SLC5A8: variants seen among roughly 807,000 people sequenced by gnomAD.
SLC5A8 encodes sodium-coupled monocarboxylate transporter 1.
Under a neutral mutation model 71.9 loss-of-function variants are expected in SLC5A8, and 55 were observed. The ratio of observed to expected loss-of-function variants is 0.77; its 90% CI spans 0.62 to 0.96. The LOEUF (loss-of-function observed/expected upper bound fraction) is 0.96. SLC5A8 is among the 40% of genes least tolerant of loss of function. The probability of loss-of-function intolerance (pLI) is 0.00; values close to 1 mark genes in which losing one functional copy is unlikely to be tolerated. For missense variants in SLC5A8, 701 were observed against 745.3 expected (o/e 0.94, Z 0.69); for synonymous variants, 307 against 276.1 (o/e 1.11, Z -1.11).
intron 10 of SLC5A8, among the ~76,000 whole-genome samples, chr12:101,178,273 A>C (rs1566312701): frequency 6.6e-6 from 1 of 152,032 alleles, no homozygotes; most frequent in African/African-American, 2.4e-5. Flanking sequence ...TTTAAGCAAG[A>C]TTTTTTTTGT....
chr12:101,194,372 C>T (rs1869067183), intron 4 of SLC5A8, among the ~76,000 whole-genome samples: 1 of 152,238 alleles, frequency 6.6e-6, no homozygotes, highest in Non-Finnish European at 1.5e-5. Context: ...GATTTTCTCA[C>T]TGCCTCGGAC....
Position 101,182,808 on chromosome 12 carries a change from C to T in SLC5A8, c.1160G>A (p.Gly387Glu). ...TTATGAAAACAGAAACTTACTCATTCCTTGGGAAATCCAAGACAGAGACCT... is the reference window on the plus strand; with the variant it reads ...TTATGAAAACAGAAACTTACTCATTTCTTGGGAAATCCAAGACAGAGACCT... ...SERSLSWISQ[G>E]MSVVYGALCI... Residue 387 changes from glycine (G) to glutamate (E), a missense_variant, in exon 9 of 15, where the codon GGA becomes GAA. Coordinates refer to ENST00000536262, the MANE Select transcript of SLC5A8 (RefSeq NM_145913.5). The T allele has an allele frequency of 6.4e-7, 1 of 1,573,406 alleles. No individual in the cohort carries two copies. The highest frequency in any genetic ancestry group is 8.6e-7 in the Non-Finnish European group (1 of 1,162,184).
rs768182125 is a variant in SLC5A8, at chr12:101,166,666, T to C, written c.1354A>G (p.Ile452Val). Residue 452 changes from isoleucine to valine, a missense_variant, in exon 12 of 15, where the codon ATT (isoleucine) becomes GTT (valine). Ile to Val is a conservative substitution (Grantham distance 29). Transcript: ENST00000536262. Reference sequence around the variant, plus strand: ...GCTCCAATTCCAACCCATAGAGAAATGGCAAATCCAGCCATCAGACCAACA... The same window carrying C: ...GCTCCAATTCCAACCCATAGAGAAACGGCAAATCCAGCCATCAGACCAACA... ...ALVGLMAGFA[I>V]SLWVGIGAQI... is the part of the protein sequence containing the mutation. 1.6e-5 allele frequency: 25 copies of C among 1,612,500 alleles called. No individual in the cohort carries two copies. The highest frequency in any genetic ancestry group is 2.2e-5 in the South Asian group (2 of 90,692).
rs55796436 is a variant in SLC5A8, at chr12:101,157,183, A to AACACAC, written c.*90_*95dup. 4.3e-6 allele frequency: 6 copies of AACACAC among 1,391,778 alleles called. No homozygotes were observed. The highest frequency in any genetic ancestry group is 2.1e-5 in the Admixed American group (1 of 46,664). The allele number at this position is 1,391,778 out of a possible 1,614,324, so 86.2% of individuals were successfully genotyped here. On this transcript the variant is annotated 3_prime_UTR_variant, in exon 15 of 15. Transcript: ENST00000536262. ...CTTATCCCCCAAACACTCATGATAC[A>AACACAC]ACACACACACACACACAAAGAAAAC...
At chr12:101,158,598 C>CTCTCTCTCTCTCTCTCTATA (rs1411795424) in intron 13 of SLC5A8, among the ~76,000 whole-genome samples, 1 of 21,250 alleles carries the variant, frequency 4.7e-5, no homozygotes, top group Non-Finnish European at 8.8e-5. Flanking sequence ...CTCTCTCTCT[C>CTCTCTCTCTCTCTCTCTATA]TATATATATA....
intron 13 of SLC5A8, among the ~76,000 whole-genome samples, chr12:101,158,586 C>CTATA (rs2051692601): frequency 7.1e-5 from 3 of 42,484 alleles, no homozygotes; most frequent in Admixed American, 6.5e-4. Context: ...CTCTCTCTCT[C>CTATA]TCTCTCTCTC....
rs1566301620 is a variant in SLC5A8, at chr12:101,156,099, TA to T, written c.*1179del. The T allele has an allele frequency of 6.6e-6, 1 of 152,240 alleles. No individual in the cohort carries two copies. The highest frequency in any genetic ancestry group is 2.1e-4 in the South Asian group (1 of 4,814). The allele number at this position is 152,240 out of a possible 1,614,324, so 9.4% of individuals were successfully genotyped here. On this transcript the variant is annotated 3_prime_UTR_variant, in exon 15 of 15. Coordinates refer to ENST00000536262, the MANE Select transcript of SLC5A8 (RefSeq NM_145913.5). ...GCTAAGCAACTTTGAGACTGCTACTTAAAAATTTTAAAACATGGAACAAAGC... is the reference window on the plus strand; with the variant it reads ...GCTAAGCAACTTTGAGACTGCTACTTAAAATTTTAAAACATGGAACAAAGC...
At chr12:101,179,956 G>A in intron 10 of SLC5A8, 73 bp downstream of exon 10, 1 of 1,508,554 alleles carries the variant, frequency 6.6e-7, no homozygotes, top group Non-Finnish European at 9.2e-7. Context: ...GAGAAGTCTG[G>A]AAGGATGGTC....
intron 2 of SLC5A8, among the ~76,000 whole-genome samples, chr12:101,203,052 C>G (rs1158172865): frequency 6.6e-6 from 1 of 152,166 alleles, no homozygotes; most frequent in East Asian, 1.9e-4. Context: ...AGTCATTATT[C>G]TGTCCAAGTT....
Position 101,168,164 on chromosome 12 carries a change from C to T in SLC5A8, c.1252G>A (p.Gly418Ser), listed in dbSNP as rs779815699. ...CCCATAAGTGGTCCACCAACCATACCAAATACGCTGAGTGCTGCCTACAAA... is the reference window on the plus strand; with the variant it reads ...CCCATAAGTGGTCCACCAACCATACTAAATACGCTGAGTGCTGCCTACAAA... Reference protein sequence around the residue: ...ALLQAALSVFGMVGGPLMGLF... With the variant: ...ALLQAALSVFSMVGGPLMGLF... The change falls in exon 11 of 15, where the codon GGT (glycine) becomes AGT (serine). Residue 418 changes from glycine to serine, a missense_variant. Physicochemically the swap from Gly to Ser is moderately conservative, Grantham distance 56. Coordinates refer to ENST00000536262, the MANE Select transcript of SLC5A8 (RefSeq NM_145913.5). 1.2e-6 allele frequency: 2 copies of T among 1,607,546 alleles called. No homozygotes were observed. Among genetic ancestry groups the T allele is most frequent in the Admixed American group, 1.7e-5 (1 of 59,324 alleles).
chr12:101,197,015 A>G (rs1009843454), intron 3 of SLC5A8, among the ~76,000 whole-genome samples: 8 of 152,344 alleles, frequency 5.3e-5, no homozygotes, highest in Non-Finnish European at 1.0e-4. Flanking sequence ...TAAAAATGGG[A>G]CAATTTGAGC....
At chr12:101,197,085 T>A (rs1231334665) in intron 3 of SLC5A8, among the ~76,000 whole-genome samples, 2 of 152,162 alleles carry the variant, frequency 1.3e-5, no homozygotes, top group Non-Finnish European at 2.9e-5. Context: ...AATCCATGAG[T>A]TCGTAAGAAT....
At chr12:101,162,990 C>T (rs1438147242) in intron 12 of SLC5A8, among the ~76,000 whole-genome samples, 1 of 152,102 alleles carries the variant, frequency 6.6e-6, no homozygotes, top group Non-Finnish European at 1.5e-5. Context: ...GGAGGAACTA[C>T]ACTACAAGTG....
rs950752821 is a variant in SLC5A8, at chr12:101,184,062, C to T, written c.1052+72G>A. 51 of 1,476,042 alleles carry T rather than the reference C, an allele frequency of 3.5e-5. No individual in the cohort carries two copies. In the Middle Eastern group the frequency reaches 5.3e-4, roughly 15 times the overall value. The allele number at this position is 1,476,042 out of a possible 1,614,324, so 91.4% of individuals were successfully genotyped here. On this transcript the variant is annotated intron_variant, in intron 8 of 14. Transcript: ENST00000536262. ...CTGTGCCCAGAACTCCACATTATCC[C>T]GCTAAAGTATCTAATAATAAAAGAA...
intron 1 of SLC5A8, among the ~76,000 whole-genome samples, chr12:101,207,460 GCATT>G (rs1490753153): frequency 6.6e-6 from 1 of 152,194 alleles, no homozygotes; most frequent in Admixed American, 6.5e-5. Context: ...CATGTGTTCA[GCATT>G]CAATGAACTT....
intron 8 of SLC5A8, among the ~76,000 whole-genome samples, 188 bp from the exon 9 acceptor site, chr12:101,183,103 T>G (rs1868445307): frequency 7.7e-6 from 1 of 130,102 alleles, no homozygotes; most frequent in Admixed American, 9.2e-5. Flanking sequence ...TGGAGTGCAA[T>G]GGCATGATCT....
At chr12:101,171,169 T>C (rs1342755423) in intron 10 of SLC5A8, among the ~76,000 whole-genome samples, 1 of 152,142 alleles carries the variant, frequency 6.6e-6, no homozygotes, top group Non-Finnish European at 1.5e-5. Flanking sequence ...TTACCAGGTG[T>C]TTTGTTCACA....
intron 9 of SLC5A8, among the ~76,000 whole-genome samples, chr12:101,181,357 G>A (rs2051931319): frequency 6.6e-6 from 1 of 152,100 alleles, no homozygotes; most frequent in African/African-American, 2.4e-5. Context: ...CAAAGTTATT[G>A]GAAACACATT....
rs796381398 is a variant in SLC5A8, at chr12:101,209,980, C to T, written c.-132G>A. The T allele has an allele frequency of 1.0e-4, 82 of 794,234 alleles. No homozygotes were observed. Among genetic ancestry groups the T allele is most frequent in the Middle Eastern group, 7.6e-4 (2 of 2,622 alleles). 49.2% of individuals were successfully genotyped at this position (794,234 alleles called of 1,614,324 possible). A position where few individuals can be genotyped will look rare whatever the true frequency, so the allele number is the denominator to read the frequency against. Reference sequence around the variant, plus strand: ...GTCCCGCGGGGACTGGAGGCGTCCTCCAGGTGTCGGCCTCCGAACGCACCC... The same window carrying T: ...GTCCCGCGGGGACTGGAGGCGTCCTTCAGGTGTCGGCCTCCGAACGCACCC... On this transcript the variant is annotated 5_prime_UTR_variant, in exon 1 of 15. Transcript: ENST00000536262.
Sources: gnomAD v4.1 joint callset for allele counts (sites outside exome capture counted in the v4.1 genomes callset) on GRCh38, gnomAD v4.1.1 for gene constraint, MANE v1.5 for transcripts, NCBI Gene and HGNC (gene_info 2026-07-23, HGNC 2026-07-21) for gene names.